The following ADGRB1 variants were observed in gnomAD, a reference collection of about 807,000 sequenced individuals.
ADGRB1 encodes brain-specific angiogenesis inhibitor 1.
Under a neutral mutation model 175.7 loss-of-function variants are expected in ADGRB1, and 36 were observed. The ratio of observed to expected loss-of-function variants is 0.20; its 90% CI spans 0.16 to 0.27. The LOEUF is 0.27. ADGRB1 is among the 10% of genes least tolerant of loss of function. The pLI is 1.00. For missense variants in ADGRB1, 1,731 were observed against 2,255.3 expected, an observed-to-expected ratio of 0.77 and a Z score of 4.71; for synonymous variants, 1,054 against 979.4, an observed-to-expected ratio of 1.08 and a Z score of -1.42.
At position 142,477,305 on chromosome 8, in the gene ADGRB1, C is replaced by T. The variant is rs772518297; in HGVS notation, c.1222+27C>T. 1.1e-5 allele frequency: 17 copies of T among 1,587,518 alleles called. No individual in the cohort carries two copies. In the East Asian group the frequency reaches 1.8e-4, roughly 17 times the overall value. ...TGGGTGGGACCTTGGGCTGGGGCAG[C>T]GGACAGCCAGGGCAGCGGGGGGCCA... On this transcript the variant is annotated intron_variant, in intron 5 of 30. Coordinates refer to ENST00000517894, the MANE Select transcript of ADGRB1 (RefSeq NM_001702.3).
At chr8:142,488,960 G>T in intron 14 of ADGRB1, 75 bp from the exon 15 acceptor site, 10 of 1,527,408 alleles carry the variant, frequency 6.5e-6, no homozygotes, top group Admixed American at 1.9e-5. Context: ...TGACAGCGGG[G>T]TCCAGGCCAG....
chr8:142,536,585 G>A (rs1184971862), intron 25 of ADGRB1, among the ~76,000 whole-genome samples: 1 of 152,156 alleles, frequency 6.6e-6, no homozygotes, highest in Non-Finnish European at 1.5e-5. Flanking sequence ...GGCAGTGAGG[G>A]CCAGGCTTTC....
chr8:142,539,831 C>T, intron 27 of ADGRB1: 1 of 219,724 alleles, frequency 4.6e-6, no homozygotes. Flanking sequence ...GTGTTCTGTG[C>T]CACCTTCATT....
In ADGRB1 at chr8:142,488,392, C is replaced by T. The variant is rs374852524; in HGVS notation, c.2337C>T (p.Ser779=). Residue 779 remains serine (S), a synonymous_variant, in exon 14 of 31, where the codon AGC becomes AGT. Transcript: ENST00000517894. ...TCAGCATCCATAAGCTCCCAGCCAG[C>T]GGAGCCACTGACATCAGCTTCCCCA... ...LVLSIHKLPA[S]GATDISFPMK... is the part of the protein sequence containing the mutation. 42 of 1,613,008 alleles carry T rather than the reference C, an allele frequency of 2.6e-5. No homozygotes were observed. Among genetic ancestry groups the T allele is most frequent in the Middle Eastern group, 1.6e-4 (1 of 6,080 alleles).
chr8:142,541,672 G>A (rs1038867933), intron 27 of ADGRB1, among the ~76,000 whole-genome samples: 50 of 152,308 alleles, frequency 3.3e-4, no homozygotes, highest in African/African-American at 9.1e-4. Context: ...GTGGGTGACA[G>A]CCATTTGTCT....
chr8:142,492,661 C>T lies in ADGRB1; in HGVS notation c.2675+1846C>T, dbSNP rs542338933. ...TGGTGGACTCTGCTATGTTTCCTGC[C>T]CTGGGTCTGGGGTTGGCAGCTGGGC... On this transcript the variant is annotated intron_variant, in intron 17 of 30. Transcript: ENST00000517894. This position sits in a 1 kb window ranked among gnomAD's most constrained non-coding sequence, Gnocchi z 4.4. 3.9e-5 allele frequency among the ~76,000 whole-genome samples: 6 copies of T among 152,310 alleles called. No individual in the cohort carries two copies. In the South Asian group the frequency reaches 1.2e-3, roughly 32 times the overall value.
intron 25 of ADGRB1, among the ~76,000 whole-genome samples, chr8:142,534,194 C>T (rs1278327736): frequency 6.6e-6 from 1 of 152,238 alleles, no homozygotes. Flanking sequence ...GCCCAGGCTT[C>T]GGCCAGCTGC....
At chr8:142,528,797 C>T (rs908168419) in intron 24 of ADGRB1, among the ~76,000 whole-genome samples, 5 of 152,246 alleles carry the variant, frequency 3.3e-5, no homozygotes, top group African/African-American at 1.2e-4. Context: ...CGATCCACTG[C>T]CCTCAGCTCC....
At chr8:142,469,614 T>C (rs1840526004) in intron 2 of ADGRB1, among the ~76,000 whole-genome samples, 1 of 132,866 alleles carries the variant, frequency 7.5e-6, no homozygotes, top group African/African-American at 3.1e-5. Context: ...TGCATGTGTG[T>C]GTATGCACGT....
chr8:142,465,129 G>C (rs895269859), intron 2 of ADGRB1, 147 bp downstream of exon 2: 6 of 1,005,116 alleles, frequency 6.0e-6, no homozygotes, highest in Middle Eastern at 3.3e-4. Flanking sequence ...GAGGTGGACC[G>C]GGGTCTTCTT....
At chr8:142,509,840 A>G (rs1056990254) in intron 17 of ADGRB1, among the ~76,000 whole-genome samples, 5 of 152,146 alleles carry the variant, frequency 3.3e-5, no homozygotes, top group African/African-American at 1.2e-4. Flanking sequence ...TCATCTTTTC[A>G]GGAGGCCTGG....
intron 23 of ADGRB1, among the ~76,000 whole-genome samples, chr8:142,524,587 C>A (rs755467773): frequency 1.3e-5 from 2 of 152,164 alleles, no homozygotes; most frequent in African/African-American, 4.8e-5. Flanking sequence ...GAGATCCCCG[C>A]GGGTGTGGTG....
chr8:142,532,033 C>T (rs1488385931), intron 24 of ADGRB1, among the ~76,000 whole-genome samples: 3 of 152,274 alleles, frequency 2.0e-5, no homozygotes, highest in African/African-American at 7.2e-5. Context: ...CAGGTCATTC[C>T]AGCATCTCTC....
chr8:142,470,497 AGTGTATGTGTCCCT>A (rs1299809316), intron 2 of ADGRB1, among the ~76,000 whole-genome samples: 1 of 150,796 alleles, frequency 6.6e-6, no homozygotes, highest in Non-Finnish European at 1.5e-5. Context: ...GGGCCAATTT[AGTGTATGTGTCCCT>A]GTGTGTGTGT....
At chr8:142,470,410 C>T (rs1018811194) in intron 2 of ADGRB1, among the ~76,000 whole-genome samples, 2 of 151,718 alleles carry the variant, frequency 1.3e-5, no homozygotes, top group African/African-American at 4.8e-5. Flanking sequence ...TGTGTGTGTC[C>T]CTATGTGTCC....
At chr8:142,516,203 TGCA>T (rs1843408599) in intron 18 of ADGRB1, among the ~76,000 whole-genome samples, 1 of 140,316 alleles carries the variant, frequency 7.1e-6, no homozygotes, top group Non-Finnish European at 1.5e-5. Context: ...GGGCCCCAGG[TGCA>T]TGCGTGTGTG....
chr8:142,470,893 C>T (rs368448546), intron 2 of ADGRB1, among the ~76,000 whole-genome samples: 14 of 152,154 alleles, frequency 9.2e-5, no homozygotes, highest in African/African-American at 3.4e-4. Flanking sequence ...CAGGCTCAGC[C>T]CCAACCCCAG....
chr8:142,484,601 G>T, intron 12 of ADGRB1, 55 bp from the exon 13 acceptor site: 1 of 1,495,060 alleles, frequency 6.7e-7, no homozygotes, highest in Admixed American at 1.9e-5. Flanking sequence ...AAGGAGGCAG[G>T]GGCTAAGGGA....
chr8:142,538,962 TG>T (rs1478654144), intron 26 of ADGRB1, among the ~76,000 whole-genome samples: 1 of 152,118 alleles, frequency 6.6e-6, no homozygotes, highest in African/African-American at 2.4e-5. Context: ...AGAGCACACA[TG>T]TGTGCCTCAC....
Sources: allele counts gnomAD v4.1 joint callset (sites outside exome capture counted in the v4.1 genomes callset), GRCh38; gene constraint gnomAD v4.1.1; non-coding constraint Gnocchi (gnomAD v3.1); transcripts MANE v1.5; gene names NCBI Gene and HGNC (gene_info 2026-07-23, HGNC 2026-07-21).